The following CACNA2D3 variants were observed in gnomAD, a reference collection of about 807,000 sequenced individuals.
The protein encoded by CACNA2D3 is voltage-dependent calcium channel subunit alpha-2/delta-3.
A neutral mutation model predicts 160.6 loss-of-function variants in CACNA2D3; 60 were observed. That is an observed-to-expected ratio of 0.37 (90% CI 0.30 to 0.46). The LOEUF (loss-of-function observed/expected upper bound fraction) is 0.46. Ranked by LOEUF, CACNA2D3 falls within the 20% of genes least tolerant of loss-of-function variation. The pLI is 1.00. For synonymous variants in CACNA2D3, 558 were observed against 492.9 expected, an observed-to-expected ratio of 1.13 and a Z score of -1.75; for missense variants, 1,205 against 1,365.0, an observed-to-expected ratio of 0.88 and a Z score of 1.85.
At chr3:54,385,375 C>T (rs1699170816) in intron 3 of CACNA2D3, among the ~76,000 whole-genome samples, 1 of 152,160 alleles carries the variant, frequency 6.6e-6, no homozygotes, top group African/African-American at 2.4e-5. Context: ...CAAGATTTCA[C>T]ACCTGTAGTG....
chr3:54,970,449 C>CCTCCTCTCCTCTCCTTTCTT (rs760443937), intron 29 of CACNA2D3, among the ~76,000 whole-genome samples: 1 of 57,376 alleles, frequency 1.7e-5, no homozygotes, highest in Non-Finnish European at 3.8e-5. Context: ...CCTCCCCTCC[C>CCTCCTCTCCTCTCCTTTCTT]CTCCTCTCCT....
At chr3:54,891,802 G>A (rs1700075976) in intron 25 of CACNA2D3, among the ~76,000 whole-genome samples, 1 of 152,232 alleles carries the variant, frequency 6.6e-6, no homozygotes, top group Non-Finnish European at 1.5e-5. Context: ...GCTTCAGGGT[G>A]TTCAGCTGTT....
intron 2 of CACNA2D3, among the ~76,000 whole-genome samples, chr3:54,182,698 T>TG (rs1429206996): frequency 6.6e-6 from 1 of 152,224 alleles, no homozygotes; most frequent in Non-Finnish European, 1.5e-5. Flanking sequence ...GCTCTGCACT[T>TG]GCTGTGGTTG....
chr3:54,215,705 AT>A (rs1701449089), intron 2 of CACNA2D3, among the ~76,000 whole-genome samples: 1 of 152,182 alleles, frequency 6.6e-6, no homozygotes, highest in African/African-American at 2.4e-5. Flanking sequence ...TTCACATGGA[AT>A]TTCCAAAGTC....
At chr3:54,236,461 A>G (rs771758483) in intron 2 of CACNA2D3, among the ~76,000 whole-genome samples, 3 of 152,228 alleles carry the variant, frequency 2.0e-5, no homozygotes, top group Non-Finnish European at 4.4e-5. Flanking sequence ...CTATTCTGAG[A>G]TAAAGAAGTT....
chr3:54,923,997 C>T (rs1700936208), intron 27 of CACNA2D3, among the ~76,000 whole-genome samples: 1 of 152,150 alleles, frequency 6.6e-6, no homozygotes, highest in African/African-American at 2.4e-5. Context: ...GGGCTGTGGC[C>T]CTGGGGCTGT....
At chr3:54,489,489 A>G (rs1701072900) in intron 4 of CACNA2D3, among the ~76,000 whole-genome samples, 2 of 152,216 alleles carry the variant, frequency 1.3e-5, no homozygotes, top group Non-Finnish European at 1.5e-5. Flanking sequence ...ATACAGTTCA[A>G]TCTAATATTG....
chr3:54,411,537 A>G (rs1221634840), intron 4 of CACNA2D3, among the ~76,000 whole-genome samples: 4 of 152,206 alleles, frequency 2.6e-5, no homozygotes, highest in African/African-American at 7.2e-5. Context: ...AGCATTTTGT[A>G]TCAGTAAAGT....
chr3:54,562,124 G>A (rs1046383819), intron 5 of CACNA2D3, among the ~76,000 whole-genome samples: 6 of 152,056 alleles, frequency 3.9e-5, no homozygotes, highest in African/African-American at 1.2e-4. Context: ...GATTTGGGTG[G>A]GGACATAGCC....
intron 31 of CACNA2D3, among the ~76,000 whole-genome samples, chr3:54,987,979 C>T (rs1052609566): frequency 2.0e-5 from 3 of 152,120 alleles, no homozygotes; most frequent in Non-Finnish European, 4.4e-5. Flanking sequence ...CCCAGCAGAG[C>T]ATTTATTGGA....
At chr3:54,625,147 A>G (rs1699069447) in intron 9 of CACNA2D3, among the ~76,000 whole-genome samples, 1 of 152,080 alleles carries the variant, frequency 6.6e-6, no homozygotes, top group Non-Finnish European at 1.5e-5. Flanking sequence ...CCTCTCCCCC[A>G]TCACTCAAGC....
At chr3:54,933,261 G>T (rs1183273180) in intron 27 of CACNA2D3, among the ~76,000 whole-genome samples, 1 of 152,162 alleles carries the variant, frequency 6.6e-6, no homozygotes, top group East Asian at 1.9e-4. Context: ...CTAATAATTT[G>T]TATTAAAATT....
intron 13 of CACNA2D3, among the ~76,000 whole-genome samples, chr3:54,813,803 G>A (rs947262631): frequency 5.3e-5 from 8 of 151,276 alleles, no homozygotes; most frequent in African/African-American, 1.2e-4. Context: ...GAAAAAAAGC[G>A]CAGGGAAATG....
At chr3:54,662,749 T>C (rs1364889850) in intron 11 of CACNA2D3, among the ~76,000 whole-genome samples, 1 of 152,188 alleles carries the variant, frequency 6.6e-6, no homozygotes, top group Non-Finnish European at 1.5e-5. Flanking sequence ...AAAGTGTAAG[T>C]GTACTTAGAA....
chr3:55,052,858 A>G (rs1704261003), intron 35 of CACNA2D3, among the ~76,000 whole-genome samples: 1 of 152,100 alleles, frequency 6.6e-6, no homozygotes, highest in Non-Finnish European at 1.5e-5. Context: ...TTTTAGCTTT[A>G]ATCTTTTCAG....
chr3:54,546,476 CT>C (rs1702066349), intron 5 of CACNA2D3, among the ~76,000 whole-genome samples: 1 of 152,146 alleles, frequency 6.6e-6, no homozygotes, highest in South Asian at 2.1e-4. Context: ...TTCCTTTCTT[CT>C]TCCATTGATA....
intron 11 of CACNA2D3, among the ~76,000 whole-genome samples, chr3:54,694,971 A>G (rs1487431740): frequency 6.6e-5 from 10 of 152,188 alleles, no homozygotes. Flanking sequence ...ATAACTTTTT[A>G]TCTTGAGCCT....
At chr3:54,401,397 T>C (rs920101082) in intron 4 of CACNA2D3, among the ~76,000 whole-genome samples, 1 of 152,158 alleles carries the variant, frequency 6.6e-6, no homozygotes, top group Admixed American at 6.5e-5. Context: ...TCTGTGAAAC[T>C]CAAAAGTCCC....
intron 2 of CACNA2D3, among the ~76,000 whole-genome samples, chr3:54,137,023 CTCT>C (rs2107261629): frequency 6.6e-6 from 1 of 152,296 alleles, no homozygotes; most frequent in South Asian, 2.1e-4. Context: ...CCCTGTGCAC[CTCT>C]TCTCTCCCGG....
Sources: allele counts gnomAD v4.1 joint callset (sites outside exome capture counted in the v4.1 genomes callset), GRCh38; gene constraint gnomAD v4.1.1; transcripts MANE v1.5; gene names NCBI Gene and HGNC (gene_info 2026-07-23, HGNC 2026-07-21).